Variants in L3MBTL4 observed in about 807,000 individuals in gnomAD.
The protein encoded by L3MBTL4 is L3MBTL histone methyl-lysine binding protein 4, also known as lethal(3)malignant brain tumor-like protein 4.
L3MBTL4 carries 70 observed loss-of-function variants against 84.5 expected under a neutral mutation model. The ratio of observed to expected loss-of-function variants is 0.83; its 90% CI spans 0.68 to 1.01. L3MBTL4 has a LOEUF of 1.01. Ranked by LOEUF, L3MBTL4 falls within the 50% of genes least tolerant of loss-of-function variation. The pLI is 0.00. For synonymous variants in L3MBTL4, 274 were observed against 259.8 expected, an observed-to-expected ratio of 1.05 and a Z score of -0.52; for missense variants, 715 against 754.8, an observed-to-expected ratio of 0.95 and a Z score of 0.62.
At chr18:6,067,909 G>A (rs1204410000) in intron 16 of L3MBTL4, among the ~76,000 whole-genome samples, 1 of 151,730 alleles carries the variant, frequency 6.6e-6, no homozygotes, top group Non-Finnish European at 1.5e-5. Context: ...TCTTATTTTG[G>A]GTGGACCATT....
chr18:6,271,538 G>C (rs1262369577), intron 4 of L3MBTL4, among the ~76,000 whole-genome samples: 3 of 152,210 alleles, frequency 2.0e-5, no homozygotes, highest in Non-Finnish European at 4.4e-5. Flanking sequence ...GAACGCGGAG[G>C]AAAGTGTGAG....
intron 1 of L3MBTL4, among the ~76,000 whole-genome samples, chr18:6,347,297 T>C (rs773419329): frequency 5.3e-5 from 8 of 151,916 alleles, no homozygotes; most frequent in Non-Finnish European, 8.8e-5. Flanking sequence ...CTGTATTGTA[T>C]GGTTAAAGTC....
chr18:5,977,773 G>C (rs2053015648), intron 16 of L3MBTL4, among the ~76,000 whole-genome samples: 1 of 152,110 alleles, frequency 6.6e-6, no homozygotes, highest in South Asian at 2.1e-4. Context: ...CAGGTGCACA[G>C]GCCCTGTCCA....
intron 17 of L3MBTL4, among the ~76,000 whole-genome samples, chr18:5,963,372 G>T (rs1011445244): frequency 6.6e-6 from 1 of 152,228 alleles, no homozygotes; most frequent in African/African-American, 2.4e-5. Flanking sequence ...ATGTCTGAAA[G>T]GTAGACTGGA....
At chr18:6,089,817 G>T (rs1164891838) in intron 15 of L3MBTL4, among the ~76,000 whole-genome samples, 2 of 152,108 alleles carry the variant, frequency 1.3e-5, no homozygotes, top group Non-Finnish European at 2.9e-5. Flanking sequence ...GATATTTCTG[G>T]CAATATGATT....
At chr18:6,393,022 C>T (rs2055122484) in intron 1 of L3MBTL4, among the ~76,000 whole-genome samples, 1 of 152,040 alleles carries the variant, frequency 6.6e-6, no homozygotes, top group South Asian at 2.1e-4. Context: ...GAATTCACCA[C>T]TATACAATTC....
At chr18:6,238,137 G>C (rs2047294198) in intron 9 of L3MBTL4, 97 bp from the exon 10 acceptor site, 1 of 1,062,406 alleles carries the variant, frequency 9.4e-7, no homozygotes, top group African/African-American at 1.6e-5. Flanking sequence ...AGATACCACA[G>C]AAAACAGTAC....
intron 16 of L3MBTL4, among the ~76,000 whole-genome samples, chr18:6,003,793 G>C (rs1332672302): frequency 7.9e-5 from 12 of 152,198 alleles, no homozygotes; most frequent in African/African-American, 2.9e-4. Flanking sequence ...ATGGGTCAAA[G>C]AGGAAATCAC....
chr18:6,211,326 C>T (rs1384947337), intron 12 of L3MBTL4, among the ~76,000 whole-genome samples: 1 of 152,170 alleles, frequency 6.6e-6, no homozygotes, highest in African/African-American at 2.4e-5. Context: ...CCACACCCTC[C>T]TTAATTCACT....
At position 6,224,641 on chromosome 18, in the gene L3MBTL4, G is replaced by A. The variant is rs568195395; in HGVS notation, c.785-8806C>T. 1.2e-4 allele frequency among the ~76,000 whole-genome samples: 19 copies of A among 152,234 alleles called. No individual in the cohort carries two copies. The South Asian group carries it at 3.9e-3, about 32-fold the overall frequency. ...CAGAGAGCTAGCAGCACCCTCCCAA[G>A]TCATCCATTCTCACCATACACACCA... On this transcript the variant is annotated intron_variant, in intron 10 of 18. Transcript: ENST00000317931.
At chr18:6,062,311 C>T (rs1304902027) in intron 16 of L3MBTL4, among the ~76,000 whole-genome samples, 1 of 151,990 alleles carries the variant, frequency 6.6e-6, no homozygotes, top group Admixed American at 6.6e-5. Flanking sequence ...TCTCTTCTGG[C>T]TCACATAGTT....
rs1216390467 is a variant in L3MBTL4 at position 5,972,132 on chromosome 18, G to A, written c.1445-2570C>T. On this transcript the variant is annotated intron_variant, in intron 16 of 18. Transcript: ENST00000317931. ...GCTGAGCTGTGGATCCCCTACCTGG[G>A]GTTCAGAGTTTTCACTAGGCATAAG... Among the ~76,000 whole-genome samples, 3 of 152,108 alleles carry A rather than the reference G, an allele frequency of 2.0e-5. No individual in the cohort carries two copies. In the East Asian group the frequency reaches 5.8e-4, roughly 29 times the overall value.
intron 1 of L3MBTL4, among the ~76,000 whole-genome samples, chr18:6,354,889 T>A (rs2053364605): frequency 6.6e-6 from 1 of 151,982 alleles, no homozygotes; most frequent in Non-Finnish European, 1.5e-5. Flanking sequence ...ACAAAAAAAA[T>A]TAAAAATAGA....
At chr18:6,072,996 T>G (rs1174643996) in intron 16 of L3MBTL4, among the ~76,000 whole-genome samples, 1 of 137,510 alleles carries the variant, frequency 7.3e-6, no homozygotes, top group Non-Finnish European at 1.5e-5. Context: ...GACGGTAAAT[T>G]AAAGCCAAAG....
At position 5,985,872 on chromosome 18, in the gene L3MBTL4, G is replaced by C. The variant is rs897213893; in HGVS notation, c.1445-16310C>G. 9.2e-5 allele frequency among the ~76,000 whole-genome samples: 14 copies of C among 152,268 alleles called. No homozygotes were observed. The East Asian group carries it at 2.7e-3, about 29-fold the overall frequency. On this transcript the variant is annotated intron_variant, in intron 16 of 18. Transcript: ENST00000317931. ...GGGGATGATGCTACAAATGGACCAG[G>C]AGAGAAGCTAATTCAAAGGAGGTAT...
chr18:6,007,188 C>T (rs1017661087), intron 16 of L3MBTL4, among the ~76,000 whole-genome samples: 1 of 151,528 alleles, frequency 6.6e-6, no homozygotes, highest in Non-Finnish European at 1.5e-5. Flanking sequence ...TTAAAAAAAA[C>T]CATTTGCGAC....
At position 6,071,834 on chromosome 18, in the gene L3MBTL4, A is replaced by G. The variant is rs565575499; in HGVS notation, c.1444+9047T>C. On this transcript the variant is annotated intron_variant, in intron 16 of 18. Transcript: ENST00000317931. The stretch of plus-strand genomic sequence containing the variant: ...AAGAAAGGAAAGAAAGAAAGAAAGA[A>G]AGAGAAAGAGAGAGAGGGAGGGAGG... Among the ~76,000 whole-genome samples, 242 of 101,736 alleles carry G rather than the reference A, an allele frequency of 2.4e-3. 5 individuals carry two copies. In the East Asian group the frequency reaches 0.046, roughly 20 times the overall value. The allele number at this position is 101,736 out of a possible 152,430, so 66.7% of individuals were successfully genotyped here.
At chr18:6,124,374 G>GA (rs1325094709) in intron 14 of L3MBTL4, among the ~76,000 whole-genome samples, 5 of 149,702 alleles carry the variant, frequency 3.3e-5, no homozygotes, top group Admixed American at 1.3e-4. Context: ...TAAATTTAAT[G>GA]AAAAAAACTA....
chr18:6,408,090 C>T (rs2055810366), intron 1 of L3MBTL4, among the ~76,000 whole-genome samples: 1 of 152,094 alleles, frequency 6.6e-6, no homozygotes, highest in Non-Finnish European at 1.5e-5. Context: ...AAAAGGCAGA[C>T]TTAAACAATG....
Sources: allele counts gnomAD v4.1 joint callset (sites outside exome capture counted in the v4.1 genomes callset), GRCh38; gene constraint gnomAD v4.1.1; transcripts MANE v1.5; gene names NCBI Gene and HGNC (gene_info 2026-07-23, HGNC 2026-07-21).